The following C1orf21 variants were observed in gnomAD, a reference collection of about 807,000 sequenced individuals.
C1orf21 encodes the protein chromosome 1 open reading frame 21.
In C1orf21, 3 loss-of-function variants were observed where a neutral mutation model predicts 18.7. The observed-to-expected ratio is 0.16, with a 90% CI of 0.07 to 0.42. The LOEUF (loss-of-function observed/expected upper bound fraction) is 0.42. Ranked by LOEUF, C1orf21 falls within the 10% of genes least tolerant of loss-of-function variation. The pLI, the probability that C1orf21 is intolerant of heterozygous loss-of-function variation, is 0.99. For missense variants in C1orf21, 104 were observed against 143.6 expected, an observed-to-expected ratio of 0.72 and a Z score of 1.41; for synonymous variants, 41 against 46.4, an observed-to-expected ratio of 0.88 and a Z score of 0.47.
chr1:184,526,572 T>G (rs189992761), intron 3 of C1orf21, among the ~76,000 whole-genome samples: 316 of 152,294 alleles, frequency 2.1e-3, no homozygotes, highest in Middle Eastern at 0.01. Context: ...GGCTATTGTT[T>G]TAAAAAATGA....
chr1:184,613,621 G>A lies in C1orf21; in HGVS notation c.328-5897G>A, dbSNP rs77048871. On this transcript the variant is annotated intron_variant, in intron 5 of 5. Coordinates refer to ENST00000235307, the MANE Select transcript of C1orf21 (RefSeq NM_030806.4). Reference sequence around the variant, plus strand: ...TTACTAAAGTACCAGGACACTTTCTGTGTAATACCATTTAACAGCCTCCAC... The same window carrying A: ...TTACTAAAGTACCAGGACACTTTCTATGTAATACCATTTAACAGCCTCCAC... Among the ~76,000 whole-genome samples the A allele has an allele frequency of 9.2e-5, 14 of 152,228 alleles. No individual in the cohort carries two copies. The East Asian group carries it at 2.5e-3, about 27-fold the overall frequency.
At chr1:184,501,781 A>T (rs1368147049) in intron 2 of C1orf21, among the ~76,000 whole-genome samples, 2 of 152,224 alleles carry the variant, frequency 1.3e-5, no homozygotes, top group Non-Finnish European at 2.9e-5. Context: ...CTGGACTAAA[A>T]TCAAGAGGTA....
At chr1:184,518,776 G>A (rs918843024) in intron 3 of C1orf21, among the ~76,000 whole-genome samples, 1 of 152,064 alleles carries the variant, frequency 6.6e-6, no homozygotes, top group African/African-American at 2.4e-5. Flanking sequence ...TGTAAGGATT[G>A]ACAATGCACA....
chr1:184,403,086 A>G (rs1262257965), intron 1 of C1orf21, among the ~76,000 whole-genome samples: 1 of 152,174 alleles, frequency 6.6e-6, no homozygotes, highest in Non-Finnish European at 1.5e-5. Context: ...TGTTTTCTTT[A>G]CCAGTTGGAT....
intron 4 of C1orf21, among the ~76,000 whole-genome samples, chr1:184,595,631 C>A (rs923851796): frequency 6.6e-6 from 1 of 152,200 alleles, no homozygotes; most frequent in African/African-American, 2.4e-5. Context: ...TGGAGAACAG[C>A]AGAGTAGGCC....
At chr1:184,550,853 A>C (rs546329542) in intron 3 of C1orf21, among the ~76,000 whole-genome samples, 13 of 152,128 alleles carry the variant, frequency 8.5e-5, no homozygotes, top group Non-Finnish European at 1.5e-4. Flanking sequence ...TGGTTTTGTA[A>C]AGATGGATTT....
chr1:184,403,017 G>A (rs1656188201), intron 1 of C1orf21, among the ~76,000 whole-genome samples: 2 of 152,214 alleles, frequency 1.3e-5, no homozygotes, highest in African/African-American at 4.8e-5. Context: ...AGGGCAGGTA[G>A]CAAGGCTGGA....
chr1:184,591,394 G>A (rs1469090211), intron 4 of C1orf21, among the ~76,000 whole-genome samples: 1 of 152,190 alleles, frequency 6.6e-6, no homozygotes, highest in Non-Finnish European at 1.5e-5. Context: ...CCATGAGGTA[G>A]GGAAGAATTT....
chr1:184,484,127 C>T (rs994469168), intron 2 of C1orf21, among the ~76,000 whole-genome samples: 4 of 152,082 alleles, frequency 2.6e-5, no homozygotes, highest in Admixed American at 6.5e-5. Context: ...CAGGGTTTCA[C>T]CATTTTGGCC....
chr1:184,388,629 C>T (rs1571335766), intron 1 of C1orf21, among the ~76,000 whole-genome samples: 2 of 143,672 alleles, frequency 1.4e-5, no homozygotes, highest in African/African-American at 2.5e-5. Context: ...TCTTTCTTTT[C>T]TTTTTTTTTT....
chr1:184,559,505 CCCTTCCTT>C (rs71101933), intron 3 of C1orf21, among the ~76,000 whole-genome samples: 2,485 of 47,732 alleles, frequency 0.052, 88 homozygotes, highest in African/African-American at 0.069. Context: ...CTTCCTTCCC[CCCTTCCTT>C]CCTTCCTTCC....
intron 1 of C1orf21, among the ~76,000 whole-genome samples, chr1:184,415,460 T>G (rs1656434631): frequency 6.6e-6 from 1 of 152,196 alleles, no homozygotes; most frequent in Admixed American, 6.5e-5. Flanking sequence ...CCCTGAAATT[T>G]GCTTATTTTG....
chr1:184,429,169 T>C (rs1011856106), intron 1 of C1orf21, among the ~76,000 whole-genome samples: 4 of 152,202 alleles, frequency 2.6e-5, no homozygotes, highest in African/African-American at 4.8e-5. Flanking sequence ...GAGGAGGGCA[T>C]AGTCCATTTC....
rs370281227 is a variant in C1orf21, at chr1:184,504,805, C to T, written c.95-2783C>T. On this transcript the variant is annotated intron_variant, in intron 2 of 5. Coordinates refer to ENST00000235307, the MANE Select transcript of C1orf21 (RefSeq NM_030806.4). ...TAGTCGTGGCTGTTTGTTTTCTCTTCCTTTGTATCCAATCTTATTGTGTTC... is the reference window on the plus strand; with the variant it reads ...TAGTCGTGGCTGTTTGTTTTCTCTTTCTTTGTATCCAATCTTATTGTGTTC... 2.2e-4 allele frequency among the ~76,000 whole-genome samples: 33 copies of T among 152,140 alleles called. No individual in the cohort carries two copies. In the East Asian group the frequency reaches 4.5e-3, roughly 21 times the overall value.
intron 3 of C1orf21, among the ~76,000 whole-genome samples, chr1:184,537,810 C>T (rs375079442): frequency 2.0e-5 from 3 of 152,004 alleles, no homozygotes; most frequent in Non-Finnish European, 2.9e-5. Flanking sequence ...GCTACCATGC[C>T]GGCTAATTTT....
chr1:184,573,984 C>A (rs776981036), intron 3 of C1orf21, among the ~76,000 whole-genome samples: 15 of 152,128 alleles, frequency 9.9e-5, no homozygotes, highest in Admixed American at 2.0e-4. Flanking sequence ...CACCTGAGGT[C>A]AGGAGTTTGA....
At chr1:184,454,028 C>G (rs74630149) in intron 1 of C1orf21, among the ~76,000 whole-genome samples, 4,922 of 152,062 alleles carry the variant, frequency 0.032, 233 homozygotes, top group African/African-American at 0.11. Context: ...GTGCTTTGTG[C>G]TGAAGACATC....
intron 1 of C1orf21, among the ~76,000 whole-genome samples, chr1:184,414,343 G>A (rs1656412580): frequency 6.6e-6 from 1 of 152,066 alleles, no homozygotes; most frequent in Non-Finnish European, 1.5e-5. Context: ...TGCCCGGGCT[G>A]GTCTTGAACT....
intron 3 of C1orf21, among the ~76,000 whole-genome samples, chr1:184,514,202 G>A (rs1314228616): frequency 6.6e-6 from 1 of 152,186 alleles, no homozygotes; most frequent in East Asian, 1.9e-4. Context: ...TGACTCAGCA[G>A]GCTGAGGCAG....
Sources: allele counts gnomAD v4.1 joint callset (sites outside exome capture counted in the v4.1 genomes callset), GRCh38; gene constraint gnomAD v4.1.1; transcripts MANE v1.5; gene names NCBI Gene and HGNC (gene_info 2026-07-23, HGNC 2026-07-21).